Variants in ZUP1 observed in about 807,000 individuals in gnomAD.
The protein encoded by ZUP1 is zinc finger-containing ubiquitin peptidase 1.
A neutral mutation model predicts 68.1 loss-of-function variants in ZUP1; 55 were observed. The observed-to-expected ratio is 0.81, with a 90% CI of 0.65 to 1.01. The LOEUF (loss-of-function observed/expected upper bound fraction) is 1.01, where lower values mean the gene tolerates loss of function less well. ZUP1 is among the 50% of genes least tolerant of loss of function. The probability of loss-of-function intolerance (pLI) is 0.00; values close to 1 mark genes in which losing one functional copy is unlikely to be tolerated. For synonymous variants in ZUP1, 223 were observed against 221.5 expected (o/e 1.01, Z -0.06); for missense variants, 684 against 674.9 (o/e 1.01, Z -0.15).
intron 9 of ZUP1, among the ~76,000 whole-genome samples, chr6:116,636,207 G>T (rs568083431): frequency 6.6e-6 from 1 of 152,030 alleles, no homozygotes; most frequent in African/African-American, 2.4e-5. Flanking sequence ...AGGAAGACAG[G>T]GCTGTGCACA....
intron 9 of ZUP1, among the ~76,000 whole-genome samples, chr6:116,644,165 C>T (rs937240276): frequency 6.6e-6 from 1 of 152,128 alleles, no homozygotes; most frequent in Non-Finnish European, 1.5e-5. Flanking sequence ...GTTAGAATGT[C>T]AATCATTAAA....
At chr6:116,659,611 C>T (rs1429312365) in intron 3 of ZUP1, among the ~76,000 whole-genome samples, 2 of 147,086 alleles carry the variant, frequency 1.4e-5, no homozygotes, top group African/African-American at 5.2e-5. Flanking sequence ...CAAAGAAATA[C>T]TAGGGGAGAA....
intron 9 of ZUP1, among the ~76,000 whole-genome samples, chr6:116,638,827 C>G (rs1775985381): frequency 6.6e-6 from 1 of 152,174 alleles, no homozygotes. Flanking sequence ...GAGTGCCAGA[C>G]AGTGGGCGCA....
rs777508291 is a variant in ZUP1 at position 116,666,624 on chromosome 6, A to G, written c.559+10T>C. 5 of 1,535,780 alleles carry G rather than the reference A, an allele frequency of 3.3e-6. No individual in the cohort carries two copies. Among genetic ancestry groups the G allele is most frequent in the Non-Finnish European group, 4.4e-6 (5 of 1,145,218 alleles). On this transcript the variant is annotated intron_variant, in intron 2 of 9. Transcript: ENST00000368576. ...TAAACTTATAATTTATAATGAAATG[A>G]AAACTTTACCTTCCAATGGAATGTC...
At chr6:116,666,565 A>G (rs971407028) in intron 2 of ZUP1, 69 bp downstream of exon 2, 23 of 1,386,488 alleles carry the variant, frequency 1.7e-5, no homozygotes, top group Non-Finnish European at 2.1e-5. Context: ...CTTACAAACC[A>G]ACTTTTAAAA....
Position 116,656,694 on chromosome 6 carries a change from T to C in ZUP1, c.951A>G (p.Thr317=). 2 of 1,610,350 alleles carry C rather than the reference T, an allele frequency of 1.2e-6. No individual in the cohort carries two copies. Among genetic ancestry groups the C allele is most frequent in the Non-Finnish European group, 1.7e-6 (2 of 1,178,996 alleles). The part of the protein sequence containing the change: ...SLALGFDDGK[T]KTSGIIEALH... ...TGTTTAAATACTCACCGGAAGTTTTTGTTTTTCCATCGTCAAAACCAAGAG... is the reference window on the plus strand; with the variant it reads ...TGTTTAAATACTCACCGGAAGTTTTCGTTTTTCCATCGTCAAAACCAAGAG... The change falls in exon 5 of 10, where the codon ACA becomes ACG. Residue 317 remains threonine (T), a synonymous_variant. Coordinates refer to ENST00000368576, the MANE Select transcript of ZUP1 (RefSeq NM_145062.3).
At chr6:116,656,564 A>G (rs1776668754) in intron 5 of ZUP1, 120 bp downstream of exon 5, 2 of 779,744 alleles carry the variant, frequency 2.6e-6, no homozygotes, top group Non-Finnish European at 3.9e-6. Flanking sequence ...AAAACAATAC[A>G]TTTTTAAAAA....
intron 1 of ZUP1, 104 bp from the exon 2 acceptor site, chr6:116,667,311 TGAA>T (rs1359203182): frequency 1.0e-5 from 7 of 667,052 alleles, no homozygotes; most frequent in African/African-American, 9.4e-5. Flanking sequence ...ATTATTTTGA[TGAA>T]GAAGTTTTCA....
intron 9 of ZUP1, among the ~76,000 whole-genome samples, chr6:116,639,540 G>A (rs907032355): frequency 5.9e-5 from 9 of 152,294 alleles, no homozygotes; most frequent in African/African-American, 1.4e-4. Flanking sequence ...ACGAAAATCC[G>A]CTGTTCTGCA....
At chr6:116,667,421 A>G (rs1330981829) in intron 1 of ZUP1, among the ~76,000 whole-genome samples, 1 of 152,190 alleles carries the variant, frequency 6.6e-6, no homozygotes, top group African/African-American at 2.4e-5. Flanking sequence ...TAATGAATAC[A>G]AGTAATTTTA....
At position 116,646,729 on chromosome 6, in the gene ZUP1, C is replaced by T. The variant is rs372741851; in HGVS notation, c.1468+730G>A. Among the ~76,000 whole-genome samples the T allele has an allele frequency of 2.3e-4, 35 of 152,248 alleles. 1 individual carries two copies. The South Asian group carries it at 7.1e-3, about 31-fold the overall frequency. On this transcript the variant is annotated intron_variant, in intron 8 of 9. Transcript: ENST00000368576. Reference sequence around the variant, plus strand: ...AGCTAGGACTACAGGCATGTGCCACCACACCTGGCTAATTTTCTTATGTTT... The same window carrying T: ...AGCTAGGACTACAGGCATGTGCCACTACACCTGGCTAATTTTCTTATGTTT...
chr6:116,657,386 T>C (rs757985009), intron 4 of ZUP1, among the ~76,000 whole-genome samples: 39 of 152,142 alleles, frequency 2.6e-4, no homozygotes, highest in Non-Finnish European at 4.0e-4. Flanking sequence ...ACAGAAAAAT[T>C]TTCTGAGATC....
intron 3 of ZUP1, 31 bp downstream of exon 3, chr6:116,660,702 AATG>A (rs746231526): frequency 3.8e-5 from 47 of 1,227,110 alleles, no homozygotes; most frequent in Non-Finnish European, 5.4e-5. Context: ...GTAGAAATTA[AATG>A]ATATTTTTAT....
chr6:116,650,162 C>G (rs767447721), intron 7 of ZUP1, among the ~76,000 whole-genome samples: 19 of 152,124 alleles, frequency 1.2e-4, no homozygotes, highest in Non-Finnish European at 2.6e-4. Context: ...GTGGCTCAAG[C>G]CTGTAATCCT....
rs1776507640 is a variant in ZUP1, at chr6:116,651,846, C to A, written c.1151-109G>T. 3 of 1,421,144 alleles carry A rather than the reference C, an allele frequency of 2.1e-6. No homozygotes were observed. The Admixed American group carries it at 6.5e-5, about 31-fold the overall frequency. The allele number at this position is 1,421,144 out of a possible 1,614,324, so 88.0% of individuals were successfully genotyped here. On this transcript the variant is annotated intron_variant, in intron 6 of 9. Coordinates refer to ENST00000368576, the MANE Select transcript of ZUP1 (RefSeq NM_145062.3). ...CTTTACGGTTTTTAAGACAGTTATT[C>A]CTGACATCTTCTATCATTTTCTCTT...
At chr6:116,658,714 TA>T in intron 4 of ZUP1, 88 bp downstream of exon 4, 1 of 1,319,748 alleles carries the variant, frequency 7.6e-7, no homozygotes. Context: ...TTTTGAATAA[TA>T]ACAAGGACAA....
At chr6:116,642,945 C>A (rs914098772) in intron 9 of ZUP1, among the ~76,000 whole-genome samples, 1 of 152,194 alleles carries the variant, frequency 6.6e-6, no homozygotes, top group Non-Finnish European at 1.5e-5. Context: ...ACCCCACTGT[C>A]TCAGCCCAAA....
chr6:116,659,671 T>A (rs1221795806), intron 3 of ZUP1, among the ~76,000 whole-genome samples: 3 of 151,996 alleles, frequency 2.0e-5, no homozygotes, highest in Non-Finnish European at 4.4e-5. Context: ...AGTGCAGGTG[T>A]TAGATAATAA....
chr6:116,646,004 AT>A, intron 8 of ZUP1, 70 bp from the exon 9 acceptor site: 1 of 1,081,298 alleles, frequency 9.2e-7, no homozygotes, highest in South Asian at 1.5e-5. Context: ...CTCTGTATGT[AT>A]GTTGTGTGAT....
Sources: allele counts gnomAD v4.1 joint callset (sites outside exome capture counted in the v4.1 genomes callset), GRCh38; gene constraint gnomAD v4.1.1; transcripts MANE v1.5; gene names NCBI Gene and HGNC (gene_info 2026-07-23, HGNC 2026-07-21).